TET2: variants seen among roughly 807,000 people sequenced by gnomAD.
TET2 encodes methylcytosine dioxygenase TET2.
A neutral mutation model predicts 142.9 loss-of-function variants in TET2; 299 were observed. The ratio of observed to expected loss-of-function variants is 2.09; its 90% CI spans 1.90 to 2.30. The LOEUF is 2.30. Among genes scored for constraint, TET2 ranks in the 30% most tolerant of loss-of-function variants. The probability of loss-of-function intolerance (pLI) is 0.00; values close to 1 mark genes in which losing one functional copy is unlikely to be tolerated. For missense variants in TET2, 2,418 were observed against 2,378.0 expected (o/e 1.02, Z -0.35); for synonymous variants, 819 against 849.0 (o/e 0.96, Z 0.61).
intron 2 of TET2, among the ~76,000 whole-genome samples, chr4:105,192,725 A>T (rs868419127): frequency 7.9e-5 from 12 of 152,340 alleles, no homozygotes; most frequent in Non-Finnish European, 1.3e-4. Flanking sequence ...CTTAGAATCC[A>T]TTAGAGTAAG....
intron 2 of TET2, among the ~76,000 whole-genome samples, chr4:105,211,958 T>A (rs1727189908): frequency 6.6e-6 from 1 of 152,204 alleles, no homozygotes; most frequent in South Asian, 2.1e-4. Flanking sequence ...GTAACTTAAG[T>A]CATTGAGATT....
intron 1 of TET2, among the ~76,000 whole-genome samples, chr4:105,178,716 CT>C (rs1478278189): frequency 6.6e-6 from 1 of 152,012 alleles, no homozygotes; most frequent in Non-Finnish European, 1.5e-5. Context: ...ATCAATTTTA[CT>C]GTAAAGTTTA....
At chr4:105,270,104 G>C (rs1730879646) in intron 9 of TET2, among the ~76,000 whole-genome samples, 1 of 152,178 alleles carries the variant, frequency 6.6e-6, no homozygotes, top group African/African-American at 2.4e-5. Context: ...TTCAAGATGA[G>C]ATTTAGGTAG....
At chr4:105,200,963 G>A (rs1245877606) in intron 2 of TET2, among the ~76,000 whole-genome samples, 1 of 151,958 alleles carries the variant, frequency 6.6e-6, no homozygotes, top group African/African-American at 2.4e-5. Flanking sequence ...CTGGCCCCAG[G>A]TCATACTTTT....
chr4:105,241,118 T>G (rs1013611166), intron 3 of TET2: 2 of 1,126,312 alleles, frequency 1.8e-6, no homozygotes, highest in African/African-American at 3.2e-5. Context: ...ATATCTGAAA[T>G]GTAATATATT....
At chr4:105,198,371 A>G (rs1560744844) in intron 2 of TET2, among the ~76,000 whole-genome samples, 1 of 152,154 alleles carries the variant, frequency 6.6e-6, no homozygotes, top group African/African-American at 2.4e-5. Context: ...ACATAAATAA[A>G]TGCTTTTTGA....
Position 105,242,920 on chromosome 4 carries a change from C to CT in TET2, c.3588dup (p.Lys1197Ter). 6.4e-7 allele frequency: 1 copy of CT among 1,550,718 alleles called. No individual in the cohort carries two copies. The highest frequency in any genetic ancestry group is 8.7e-7 in the Non-Finnish European group (1 of 1,146,262). Reference sequence around the variant, plus strand: ...AAAAGTTCTCAGGGATGTCCTATTGCTAAGTGGGTAAGTGTGACTTGATAA... The same window carrying CT: ...AAAAGTTCTCAGGGATGTCCTATTGCTTAAGTGGGTAAGTGTGACTTGATAA... On this transcript the variant is annotated frameshift_variant, in exon 5 of 11. Transcript: ENST00000380013. LOFTEE classifies it high-confidence loss of function.
chr4:105,216,153 GT>G (rs1255674560), intron 2 of TET2, among the ~76,000 whole-genome samples: 1 of 152,122 alleles, frequency 6.6e-6, no homozygotes, highest in African/African-American at 2.4e-5. Flanking sequence ...TATACTTGGA[GT>G]TTGGCTAGTA....
chr4:105,202,047 C>A (rs1038586517), intron 2 of TET2, among the ~76,000 whole-genome samples: 2 of 151,914 alleles, frequency 1.3e-5, no homozygotes, highest in Admixed American at 6.6e-5. Flanking sequence ...CCAGCCCCTC[C>A]GGAATCTTTA....
chr4:105,163,336 C>T (rs996667120), intron 1 of TET2, among the ~76,000 whole-genome samples: 34 of 152,236 alleles, frequency 2.2e-4, no homozygotes, highest in Admixed American at 1.2e-3. Context: ...TTTCAATAAA[C>T]ACTTCATCAA....
In TET2 at chr4:105,235,709, T is replaced by C; in HGVS notation, c.1767T>C (p.Ile589=). 6.2e-7 allele frequency: 1 copy of C among 1,614,142 alleles called. No homozygotes were observed. Residue 589 remains isoleucine, a synonymous_variant, in exon 3 of 11, where the codon ATT becomes ATC. Transcript: ENST00000380013. ...GTAATGAGGCATCACTGCCATCAAT[T>C]CTTCAGTATCAACCCAATCTCTCCA... ...LKRNEASLPS[I]LQYQPNLSNQ...
At chr4:105,256,959 G>A (rs140726137) in intron 6 of TET2, among the ~76,000 whole-genome samples, 88 of 152,182 alleles carry the variant, frequency 5.8e-4, no homozygotes, top group African/African-American at 1.9e-3. Context: ...ATAAAATGCT[G>A]TAGTCTTACT....
intron 1 of TET2, among the ~76,000 whole-genome samples, chr4:105,154,196 A>G (rs1238684448): frequency 6.6e-6 from 1 of 152,222 alleles, no homozygotes; most frequent in South Asian, 2.1e-4. Flanking sequence ...ATGTTCTATA[A>G]TTAGATAGTA....
intron 1 of TET2, among the ~76,000 whole-genome samples, chr4:105,165,803 G>C (rs1724122720): frequency 6.6e-6 from 1 of 152,162 alleles, no homozygotes. Flanking sequence ...ATGTATAGGA[G>C]CATGGTAACA....
intron 1 of TET2, among the ~76,000 whole-genome samples, chr4:105,167,507 GAA>G (rs964338071): frequency 8.6e-4 from 131 of 152,094 alleles, no homozygotes; most frequent in Middle Eastern, 3.4e-3. Context: ...TATGTACAAA[GAA>G]AAAATATGTA....
rs1009194427 is a variant in TET2, at chr4:105,243,621, C to G, written c.3646C>G (p.Arg1216Gly). Residue 1216 changes from arginine (R) to glycine (G), a missense_variant, in exon 6 of 11, where the codon CGA becomes GGA. By Grantham distance (125) the Arg-to-Gly change is moderately radical. Coordinates refer to ENST00000380013, the MANE Select transcript of TET2 (RefSeq NM_001127208.3). ...GAAGCTACTGTGTTTGGTGCGGGAG[C>G]GAGCTGGCCACACCTGTGAGGCTGC... ...EEKLLCLVRE[R>G]AGHTCEAAVI... 1 of 1,551,508 alleles carries G rather than the reference C, an allele frequency of 6.4e-7. No homozygotes were observed.
At chr4:105,172,940 G>A (rs1410761610) in intron 1 of TET2, among the ~76,000 whole-genome samples, 1 of 151,996 alleles carries the variant, frequency 6.6e-6, no homozygotes, top group Non-Finnish European at 1.5e-5. Flanking sequence ...TTCCAAGTTG[G>A]CTATGCTGCT....
At chr4:105,273,058 A>G in intron 10 of TET2, 140 bp downstream of exon 10, 1 of 671,412 alleles carries the variant, frequency 1.5e-6, no homozygotes, top group Non-Finnish European at 2.5e-6. Context: ...ACAGGTAAAC[A>G]TGTGCCATGG....
intron 2 of TET2, among the ~76,000 whole-genome samples, chr4:105,212,163 C>A (rs1429105892): frequency 6.6e-6 from 1 of 152,126 alleles, no homozygotes; most frequent in East Asian, 1.9e-4. Flanking sequence ...ATGAGAAATT[C>A]CAAATGTTCA....
Sources: allele counts gnomAD v4.1 joint callset (sites outside exome capture counted in the v4.1 genomes callset), GRCh38; gene constraint gnomAD v4.1.1; transcripts MANE v1.5; gene names NCBI Gene and HGNC (gene_info 2026-07-23, HGNC 2026-07-21).